FOXP4: variants seen among roughly 807,000 people sequenced by gnomAD.
FOXP4 encodes forkhead box P4.
A neutral mutation model predicts 82.6 loss-of-function variants in FOXP4; 25 were observed. The ratio of observed to expected loss-of-function variants is 0.30; its 90% confidence interval spans 0.22 to 0.42. The LOEUF (loss-of-function observed/expected upper bound fraction) is 0.42. Among genes scored for constraint, FOXP4 ranks in the 10% least tolerant of loss-of-function variants. FOXP4 has a pLI of 1.00. For synonymous variants in FOXP4, 415 were observed against 388.2 expected (o/e 1.07, Z -0.81); for missense variants, 785 against 900.9 (o/e 0.87, Z 1.65).
chr6:41,550,056 G>T (rs1470766353), intron 1 of FOXP4, among the ~76,000 whole-genome samples: 1 of 152,180 alleles, frequency 6.6e-6, no homozygotes, highest in Non-Finnish European at 1.5e-5. Context: ...GGCAGGGCAG[G>T]TACTATTTTT....
At chr6:41,588,514 C>T in intron 8 of FOXP4, 130 bp from the exon 9 acceptor site, 1 of 895,338 alleles carries the variant, frequency 1.1e-6, no homozygotes, top group Non-Finnish European at 1.8e-6. Context: ...TTTTCCACCT[C>T]TTTCTCTTCT....
chr6:41,590,038 G>A lies in FOXP4; in HGVS notation c.1225G>A (p.Val409Met), dbSNP rs762813932. The A allele has an allele frequency of 2.4e-5, 38 of 1,613,728 alleles. No individual in the cohort carries two copies. The highest frequency in any genetic ancestry group is 1.5e-4 in the Admixed American group (9 of 59,984). The change falls in exon 11 of 17, where the codon GTG (valine) becomes ATG (methionine). Residue 409 changes from valine to methionine, a missense_variant. Val to Met is a conservative substitution (Grantham distance 21). Transcript: ENST00000307972. ...AGCAGACTCATTCCCAGATGGTCTCGTGCACCCCCCGACCTCGGCCGCAGC... is the reference window on the plus strand; with the variant it reads ...AGCAGACTCATTCCCAGATGGTCTCATGCACCCCCCGACCTCGGCCGCAGC... Reference protein sequence around the residue: ...SAADSFPDGLVHPPTSAAAPV... With the variant: ...SAADSFPDGLMHPPTSAAAPV...
intron 2 of FOXP4, among the ~76,000 whole-genome samples, chr6:41,572,287 C>G (rs1004136735): frequency 3.9e-5 from 6 of 152,184 alleles, no homozygotes; most frequent in African/African-American, 1.2e-4. Context: ...GAGAGGCCTT[C>G]CCTGGCCACA....
chr6:41,584,484 A>C (rs185234399), intron 3 of FOXP4, among the ~76,000 whole-genome samples: 195 of 152,368 alleles, frequency 1.3e-3, no homozygotes, highest in Non-Finnish European at 2.2e-3. Flanking sequence ...CCTTATGTGC[A>C]CTTGCTGTGT....
intron 2 of FOXP4, chr6:41,570,281 G>A (rs1487316905): frequency 8.5e-6 from 4 of 468,926 alleles, no homozygotes; most frequent in Non-Finnish European, 1.8e-5. Flanking sequence ...CCATGGCATG[G>A]AGGGAGAGTT....
chr6:41,597,308 C>A lies in FOXP4; in HGVS notation c.1725+66C>A, dbSNP rs1378600410. On this transcript the variant is annotated intron_variant, in intron 15 of 16. Transcript: ENST00000307972. ...CCCCCTTGCTTTCTCATACAAGAGA[C>A]CCCCATCCTCCCCTGCAGAGGACTC... 3.3e-6 allele frequency: 5 copies of A among 1,500,990 alleles called. No individual in the cohort carries two copies. In the African/African-American group the frequency reaches 4.1e-5, roughly 12 times the overall value. 93.0% of individuals were successfully genotyped at this position (1,500,990 alleles called of 1,614,324 possible). A position where few individuals can be genotyped will look rare whatever the true frequency, so the allele number is the denominator to read the frequency against.
At chr6:41,548,004 C>T (rs144703027) in intron 1 of FOXP4, among the ~76,000 whole-genome samples, 51 of 152,358 alleles carry the variant, frequency 3.3e-4, no homozygotes, top group East Asian at 2.5e-3. Flanking sequence ...GCCCAGACGG[C>T]GGCGGATTCC....
chr6:41,564,674 T>C (rs28479310), intron 1 of FOXP4, among the ~76,000 whole-genome samples: 1,793 of 152,288 alleles, frequency 0.012, 31 homozygotes, highest in African/African-American at 0.04. Flanking sequence ...ATCTGTAAAA[T>C]TGGCGTGATA....
chr6:41,567,477 T>G (rs1359897851), intron 2 of FOXP4, among the ~76,000 whole-genome samples: 1 of 152,154 alleles, frequency 6.6e-6, no homozygotes, highest in Non-Finnish European at 1.5e-5. Flanking sequence ...GGACAGAAGG[T>G]TAAAGGGCAA....
At chr6:41,563,327 C>A (rs986596057) in intron 1 of FOXP4, among the ~76,000 whole-genome samples, 1 of 152,180 alleles carries the variant, frequency 6.6e-6, no homozygotes, top group African/African-American at 2.4e-5. Flanking sequence ...GAGAAGAGTT[C>A]TTCTGGAGTG....
intron 9 of FOXP4, 114 bp from the exon 10 acceptor site, chr6:41,589,657 C>G: frequency 9.5e-7 from 1 of 1,055,262 alleles, no homozygotes; most frequent in Non-Finnish European, 1.4e-6. Flanking sequence ...GGCAAGGAGG[C>G]GAATGGGGGT....
intron 5 of FOXP4, 43 bp downstream of exon 5, chr6:41,585,560 CCCAGAGCTGGGTGT>C (rs1561795786): frequency 6.3e-6 from 10 of 1,575,740 alleles, no homozygotes; most frequent in African/African-American, 1.4e-5. Flanking sequence ...TCACCCCCTG[CCCAGAGCTGGGTGT>C]CCAGAGCTGG....
At chr6:41,577,325 C>G (rs1197064195) in intron 2 of FOXP4, among the ~76,000 whole-genome samples, 1 of 152,200 alleles carries the variant, frequency 6.6e-6, no homozygotes, top group Non-Finnish European at 1.5e-5. Flanking sequence ...TCACACGGTA[C>G]TCAGACCTTG....
At chr6:41,552,263 C>T (rs941376610) in intron 1 of FOXP4, among the ~76,000 whole-genome samples, 1 of 152,134 alleles carries the variant, frequency 6.6e-6, no homozygotes, top group Non-Finnish European at 1.5e-5. Context: ...GATGCACATC[C>T]GCATCCTGGA....
At position 41,590,017 on chromosome 6, in the gene FOXP4, G is replaced by C. The variant is rs1220416815; in HGVS notation, c.1204G>C (p.Asp402His). ...SFSKVTVSAA[D>H]SFPDGLVHPP... ...CTCCAAGGTGACCGTCTCTGCAGCAGACTCATTCCCAGATGGTCTCGTGCA... is the reference window on the plus strand; with the variant it reads ...CTCCAAGGTGACCGTCTCTGCAGCACACTCATTCCCAGATGGTCTCGTGCA... The change falls in exon 11 of 17, where the codon GAC (aspartate) becomes CAC (histidine). Residue 402 changes from aspartate (D) to histidine (H), a missense_variant. Physicochemically the swap from Asp to His is moderately conservative, Grantham distance 81. This residue lies in a region of FOXP4 where 570 missense variants were observed against 634.0 expected (regional missense o/e 0.90). Transcript: ENST00000307972. 6.2e-7 allele frequency: 1 copy of C among 1,613,892 alleles called. No individual in the cohort carries two copies. Among genetic ancestry groups the C allele is most frequent in the Non-Finnish European group, 8.5e-7 (1 of 1,180,002 alleles).
Position 41,587,773 on chromosome 6 carries a change from C to T in FOXP4, c.873-20C>T. 2 of 1,520,896 alleles carry T rather than the reference C, an allele frequency of 1.3e-6. No individual in the cohort carries two copies. Among genetic ancestry groups the T allele is most frequent in the Middle Eastern group, 1.8e-4 (1 of 5,702 alleles). 94.2% of individuals were successfully genotyped at this position (1,520,896 alleles called of 1,614,324 possible). On this transcript the variant is annotated intron_variant, in intron 7 of 16. Transcript: ENST00000307972. ...GGTCTTCAGGGTCCCTGATCGGCCA[C>T]CTCCCTGCTGTCCTCCCAGCTCTTC...
At position 41,546,416 on chromosome 6, in the gene FOXP4, T is replaced by A. The variant is rs1561998189; in HGVS notation, c.-468T>A. ...CAGGCTCAGTCGCAGCCCCTCGGAG[T>A]CCGGAGCCCGCCGTCCCTGCGGACC... On this transcript the variant is annotated 5_prime_UTR_variant, in exon 1 of 17. Transcript: ENST00000307972. The A allele has an allele frequency of 6.7e-6, 1 of 150,348 alleles. No individual in the cohort carries two copies. The highest frequency in any genetic ancestry group is 2.0e-4 in the South Asian group (1 of 5,098). The allele number at this position is 150,348 out of a possible 1,614,324, so 9.3% of individuals were successfully genotyped here. A position where few individuals can be genotyped will look rare whatever the true frequency, so the allele number is the denominator to read the frequency against.
chr6:41,553,607 G>A lies in FOXP4; in HGVS notation c.-17+6740G>A, dbSNP rs781233809. Reference sequence around the variant, plus strand: ...TGGACCCTGTCTGATCTCTCCTTAAGTAAACAGAATCTCACCCTTTGGGAA... The same window carrying A: ...TGGACCCTGTCTGATCTCTCCTTAAATAAACAGAATCTCACCCTTTGGGAA... On this transcript the variant is annotated intron_variant, in intron 1 of 16. Transcript: ENST00000307972. Among the ~76,000 whole-genome samples, 34 of 152,144 alleles carry A rather than the reference G, an allele frequency of 2.2e-4. 1 individual carries two copies. Among genetic ancestry groups the A allele is most frequent in the Non-Finnish European group, 7.3e-5 (5 of 68,032 alleles).
chr6:41,591,944 A>G lies in FOXP4; in HGVS notation c.1536+622A>G, dbSNP rs1358224309. On this transcript the variant is annotated intron_variant, in intron 13 of 16. Transcript: ENST00000307972. This position sits in a 1 kb window ranked among gnomAD's most constrained non-coding sequence, Gnocchi z 4.2. The stretch of plus-strand genomic sequence containing the variant: ...GAGGGGGACTCTAGAAAAATGGGAG[A>G]CAGATGCTGGGGTACTAGGCCATTT... Among the ~76,000 whole-genome samples the G allele has an allele frequency of 1.3e-5, 2 of 152,014 alleles. No homozygotes were observed. The highest frequency in any genetic ancestry group is 2.9e-5 in the Non-Finnish European group (2 of 68,004).
Sources: allele counts gnomAD v4.1 joint callset (sites outside exome capture counted in the v4.1 genomes callset), GRCh38; gene constraint gnomAD v4.1.1; regional missense constraint gnomAD v4.1.1; non-coding constraint Gnocchi (gnomAD v3.1); transcripts MANE v1.5; gene names NCBI Gene and HGNC (gene_info 2026-07-23, HGNC 2026-07-21).